The following SLC67A2 variants were observed in gnomAD, a reference collection of about 807,000 sequenced individuals.
SLC67A2 encodes the protein solute carrier family 67 member A2.
chr2:102,718,789 T>C, the SLC67A2 span: 1 of 1,613,762 alleles, frequency 6.2e-7, no homozygotes, highest in Admixed American at 1.7e-5. Context: ...GCAGCAGCAG[T>C]GCCTGCGAGT....
the SLC67A2 span, chr2:102,727,003 C>A: frequency 6.2e-7 from 1 of 1,606,952 alleles, no homozygotes; most frequent in African/African-American, 1.3e-5. Flanking sequence ...AGCCCTTGGA[C>A]CCCATTCACA....
At chr2:102,726,815 T>TAAA in the SLC67A2 span, 5 of 1,444,574 alleles carry the variant, frequency 3.5e-6, no homozygotes, top group Middle Eastern at 2.1e-4. Flanking sequence ...AAGCTACGTT[T>TAAA]GAAAAAAAAA....
chr2:102,734,818 A>G, the SLC67A2 span, among the ~76,000 whole-genome samples: 10 of 152,346 alleles, frequency 6.6e-5, no homozygotes, highest in East Asian at 1.7e-3. Context: ...AGCATAAAGA[A>G]AACATATGAT....
the SLC67A2 span, chr2:102,731,060 A>T: frequency 6.2e-7 from 1 of 1,613,886 alleles, no homozygotes. Context: ...AAAATGCCAT[A>T]GGAGGAGCCT....
At chr2:102,722,696 G>A in the SLC67A2 span, among the ~76,000 whole-genome samples, 1 of 152,034 alleles carries the variant, frequency 6.6e-6, no homozygotes, top group African/African-American at 2.4e-5. Flanking sequence ...GAAGGTAGAA[G>A]CTTCTTGAAA....
chr2:102,729,793 A>G, the SLC67A2 span, among the ~76,000 whole-genome samples: 71 of 152,368 alleles, frequency 4.7e-4, no homozygotes, highest in African/African-American at 1.6e-3. Context: ...GTTACTATAA[A>G]GTTTAAATGA....
the SLC67A2 span, chr2:102,719,080 G>T: frequency 6.2e-7 from 1 of 1,614,212 alleles, no homozygotes; most frequent in Non-Finnish European, 8.5e-7. Context: ...CCCTGGCTCT[G>T]CGGCTGGTGG....
At chr2:102,736,629 C>T in the SLC67A2 span, 1 of 1,613,770 alleles carries the variant, frequency 6.2e-7, no homozygotes, top group African/African-American at 1.3e-5. Context: ...GCTCCCAGCC[C>T]CCACGCTCGC....
At chr2:102,731,045 GT>G in the SLC67A2 span, 1 of 1,613,856 alleles carries the variant, frequency 6.2e-7, no homozygotes, top group East Asian at 2.2e-5. Context: ...CTAGAAAAGA[GT>G]TGCAAAATGC....
At chr2:102,719,252 A>G in the SLC67A2 span, 4 of 1,565,548 alleles carry the variant, frequency 2.6e-6, no homozygotes, top group African/African-American at 5.4e-5. Flanking sequence ...GAATGCACTG[A>G]ATCCATACAC....
the SLC67A2 span, among the ~76,000 whole-genome samples, chr2:102,720,918 T>C: frequency 2.6e-5 from 4 of 152,330 alleles, no homozygotes; most frequent in South Asian, 8.3e-4. Flanking sequence ...CATGATGATA[T>C]GTTCACTGCA....
the SLC67A2 span, chr2:102,736,720 C>T: frequency 1.2e-6 from 2 of 1,613,832 alleles, no homozygotes; most frequent in South Asian, 2.2e-5. Context: ...GCCTCCGCCT[C>T]GGTTCCTGTC....
chr2:102,719,336 G>T, the SLC67A2 span: 1 of 899,792 alleles, frequency 1.1e-6, no homozygotes, highest in Non-Finnish European at 1.7e-6. Context: ...TTACTAGTCT[G>T]TATTTTTGTA....
chr2:102,733,255 G>A, the SLC67A2 span, among the ~76,000 whole-genome samples: 1 of 151,994 alleles, frequency 6.6e-6, no homozygotes, highest in South Asian at 2.1e-4. Flanking sequence ...TTGGTTTAGT[G>A]GGAGAAAAAA....
At chr2:102,719,120 C>A in the SLC67A2 span, 1 of 1,614,220 alleles carries the variant, frequency 6.2e-7, no homozygotes, top group Non-Finnish European at 8.5e-7. Flanking sequence ...ATGGCTCCTT[C>A]CCAACAGCAC....
the SLC67A2 span, among the ~76,000 whole-genome samples, chr2:102,730,669 A>G: frequency 6.6e-6 from 1 of 151,574 alleles, no homozygotes; most frequent in African/African-American, 2.4e-5. Context: ...CAGCCTCCCG[A>G]GTAGCTGGGA....
the SLC67A2 span, among the ~76,000 whole-genome samples, chr2:102,725,247 C>A: frequency 1.3e-5 from 2 of 152,064 alleles, no homozygotes; most frequent in African/African-American, 4.8e-5. Context: ...CCCTGTGAAG[C>A]CCCCCGTGGC....
the SLC67A2 span, chr2:102,716,938 T>C: frequency 3.5e-4 from 54 of 152,356 alleles, 1 homozygote; most frequent in African/African-American, 1.3e-3. Context: ...CGGTGCTGTA[T>C]ATGAAACTTG....
the SLC67A2 span, chr2:102,718,991 A>G: frequency 6.2e-7 from 1 of 1,614,232 alleles, no homozygotes; most frequent in Non-Finnish European, 8.5e-7. Flanking sequence ...TATGTCCCAC[A>G]TTTCGGAAAA....
Sources: gnomAD v4.1 joint callset for allele counts (sites outside exome capture counted in the v4.1 genomes callset) on GRCh38, gnomAD v4.1.1 for gene constraint, MANE v1.5 for transcripts, NCBI Gene and HGNC (gene_info 2026-07-23, HGNC 2026-07-21) for gene names.